The following PTPRA variants were observed in gnomAD, a reference collection of about 807,000 sequenced individuals.
PTPRA encodes the protein receptor-type tyrosine-protein phosphatase alpha.
PTPRA carries 25 observed loss-of-function variants against 104.8 expected under a neutral mutation model. The observed-to-expected ratio is 0.24, with a 90% CI of 0.17 to 0.33. The LOEUF is 0.33. Ranked by LOEUF, PTPRA falls within the 10% of genes least tolerant of loss-of-function variation. The pLI, the probability that PTPRA is intolerant of heterozygous loss-of-function variation, is 1.00. For missense variants in PTPRA, 765 were observed against 1,015.3 expected, an observed-to-expected ratio of 0.75 and a Z score of 3.35; for synonymous variants, 323 against 368.9, an observed-to-expected ratio of 0.88 and a Z score of 1.43.
intron 2 of PTPRA, among the ~76,000 whole-genome samples, chr20:2,939,740 A>G (rs2060836315): frequency 6.6e-6 from 1 of 152,044 alleles, no homozygotes; most frequent in Admixed American, 6.6e-5. Context: ...TAGCCAATCT[A>G]CCTTCTTTTT....
At chr20:2,942,970 A>G (rs2060975397) in intron 2 of PTPRA, among the ~76,000 whole-genome samples, 1 of 151,866 alleles carries the variant, frequency 6.6e-6, no homozygotes, top group South Asian at 2.1e-4. Context: ...ATAAAATACA[A>G]TACTTATAAT....
At chr20:3,010,125 C>T (rs1051605315) in intron 11 of PTPRA, among the ~76,000 whole-genome samples, 1 of 150,924 alleles carries the variant, frequency 6.6e-6, no homozygotes, top group African/African-American at 2.4e-5. Flanking sequence ...GCTGGGATTA[C>T]AGGCGTGAGC....
chr20:2,886,122 A>G (rs1489222441), intron 1 of PTPRA, among the ~76,000 whole-genome samples: 2 of 152,216 alleles, frequency 1.3e-5, no homozygotes, highest in Non-Finnish European at 2.9e-5. Flanking sequence ...TCTTGTTTAG[A>G]TCCTGTTTCA....
chr20:2,930,460 G>A (rs1674878641), intron 2 of PTPRA, among the ~76,000 whole-genome samples: 1 of 152,222 alleles, frequency 6.6e-6, no homozygotes, highest in African/African-American at 2.4e-5. Context: ...TAATTTCCTG[G>A]TGCTGCCCAA....
intron 1 of PTPRA, among the ~76,000 whole-genome samples, chr20:2,881,986 C>T (rs557479817): frequency 4.6e-5 from 7 of 151,992 alleles, no homozygotes; most frequent in South Asian, 2.1e-4. Flanking sequence ...GGAGACAGAG[C>T]GAGACTGTTT....
intron 6 of PTPRA, among the ~76,000 whole-genome samples, chr20:2,984,927 G>A (rs2062838521): frequency 6.6e-6 from 1 of 152,206 alleles, no homozygotes; most frequent in Non-Finnish European, 1.5e-5. Flanking sequence ...TCCCCAACCT[G>A]TCACTTTCTC....
intron 11 of PTPRA, among the ~76,000 whole-genome samples, chr20:3,007,897 G>A (rs1007192666): frequency 1.3e-5 from 2 of 152,048 alleles, no homozygotes; most frequent in African/African-American, 4.8e-5. Flanking sequence ...CCTGAGGGAA[G>A]AGCTGATACT....
At chr20:2,998,003 C>G (rs1236376379) in intron 9 of PTPRA, among the ~76,000 whole-genome samples, 1 of 151,954 alleles carries the variant, frequency 6.6e-6, no homozygotes, top group Non-Finnish European at 1.5e-5. Flanking sequence ...ATGGCACATG[C>G]CTGTAGTTCT....
At chr20:2,965,402 A>T (rs915539260) in intron 5 of PTPRA, among the ~76,000 whole-genome samples, 200 bp downstream of exon 5, 2 of 152,206 alleles carry the variant, frequency 1.3e-5, no homozygotes, top group Non-Finnish European at 2.9e-5. Flanking sequence ...TCTTTCTGCT[A>T]GGTGGGATCC....
chr20:3,025,191 A>G (rs1369153656), intron 17 of PTPRA, among the ~76,000 whole-genome samples: 5 of 152,218 alleles, frequency 3.3e-5, no homozygotes, highest in Non-Finnish European at 7.3e-5. Context: ...ACAGTGGCTC[A>G]CGCCTGTAAT....
intron 3 of PTPRA, among the ~76,000 whole-genome samples, chr20:2,953,943 C>G (rs138678623): frequency 0.014 from 2,071 of 149,758 alleles, 49 homozygotes; most frequent in African/African-American, 0.047. Flanking sequence ...TAGAGACAAG[C>G]TGTCTCCCAA....
intron 13 of PTPRA, among the ~76,000 whole-genome samples, chr20:3,019,964 C>G: frequency 6.6e-6 from 1 of 151,874 alleles, no homozygotes; most frequent in Non-Finnish European, 1.5e-5. Context: ...ATCGCAGGCA[C>G]TCGGCAGGCT....
At chr20:2,940,996 G>A (rs900909443) in intron 2 of PTPRA, among the ~76,000 whole-genome samples, 2 of 151,682 alleles carry the variant, frequency 1.3e-5, no homozygotes, top group Non-Finnish European at 1.5e-5. Context: ...CTCACAAAAC[G>A]TGTTCTTTTC....
At chr20:2,906,053 G>T (rs61004655) in intron 1 of PTPRA, among the ~76,000 whole-genome samples, 5,734 of 152,160 alleles carry the variant, frequency 0.038, 268 homozygotes, top group Admixed American at 0.11. Context: ...TCCATTTAAA[G>T]AAACTGAAAT....
intron 14 of PTPRA, among the ~76,000 whole-genome samples, chr20:3,021,799 G>A (rs2064883164): frequency 6.6e-6 from 1 of 152,180 alleles, no homozygotes; most frequent in African/African-American, 2.4e-5. Context: ...GGCAACCCTG[G>A]AGACCTGAGC....
chr20:2,910,404 T>G (rs1222694183), intron 1 of PTPRA, among the ~76,000 whole-genome samples: 4 of 63,466 alleles, frequency 6.3e-5, no homozygotes, highest in South Asian at 5.6e-4. Flanking sequence ...ATATAATATA[T>G]TTTGTATATT....
intron 5 of PTPRA, among the ~76,000 whole-genome samples, chr20:2,968,787 G>A (rs1239137916): frequency 2.6e-5 from 4 of 152,116 alleles, no homozygotes; most frequent in Non-Finnish European, 4.4e-5. Context: ...AATGGCTCAT[G>A]CCTGTGGTCC....
chr20:2,964,026 C>G (rs991033495), intron 3 of PTPRA, among the ~76,000 whole-genome samples: 2 of 152,100 alleles, frequency 1.3e-5, no homozygotes, highest in African/African-American at 4.8e-5. Context: ...GGCAACAGAG[C>G]AAGACCCTAT....
Position 3,038,428 on chromosome 20 carries a change from A to AGAT in PTPRA, c.*296_*298dup. The AGAT allele has an allele frequency of 3.3e-6, 1 of 306,148 alleles. No individual in the cohort carries two copies. Among genetic ancestry groups the AGAT allele is most frequent in the Non-Finnish European group, 6.2e-6 (1 of 162,114 alleles). 19.0% of individuals were successfully genotyped at this position (306,148 alleles called of 1,614,324 possible). A position where few individuals can be genotyped will look rare whatever the true frequency, so the allele number is the denominator to read the frequency against. ...TGGTTAATACATCTTTCCCTAAAGA[A>AGAT]GATAAACACAAAATCCATTCCAGGT... On this transcript the variant is annotated 3_prime_UTR_variant, in exon 24 of 24. Coordinates refer to ENST00000399903, the MANE Select transcript of PTPRA (RefSeq NM_001385305.1).
Sources: allele counts gnomAD v4.1 joint callset (sites outside exome capture counted in the v4.1 genomes callset), GRCh38; gene constraint gnomAD v4.1.1; transcripts MANE v1.5; gene names NCBI Gene and HGNC (gene_info 2026-07-23, HGNC 2026-07-21).